HDAC9: variants seen among roughly 807,000 people sequenced by gnomAD.
The protein encoded by HDAC9 is histone deacetylase 9.
HDAC9 carries 41 observed loss-of-function variants against 139.4 expected under a neutral mutation model. The ratio of observed to expected loss-of-function variants is 0.29; its 90% confidence interval spans 0.23 to 0.38. The LOEUF is 0.38. HDAC9 is among the 10% of genes least tolerant of loss of function. HDAC9 has a pLI of 1.00. For missense variants in HDAC9, 1,147 were observed against 1,297.0 expected, an observed-to-expected ratio of 0.88 and a Z score of 1.78; for synonymous variants, 517 against 476.2, an observed-to-expected ratio of 1.09 and a Z score of -1.12.
chr7:18,645,456 G>C (rs1787071024), intron 9 of HDAC9, among the ~76,000 whole-genome samples: 1 of 152,108 alleles, frequency 6.6e-6, no homozygotes, highest in Non-Finnish European at 1.5e-5. Flanking sequence ...ACTGTTACAT[G>C]AAGGCCTAGA....
At chr7:18,186,282 A>G (rs1789906510) in intron 2 of HDAC9, among the ~76,000 whole-genome samples, 1 of 152,242 alleles carries the variant, frequency 6.6e-6, no homozygotes. Flanking sequence ...CTAAAATTAA[A>G]GCTTGTACCT....
chr7:18,241,604 T>G (rs1794191412), intron 2 of HDAC9, among the ~76,000 whole-genome samples: 1 of 152,202 alleles, frequency 6.6e-6, no homozygotes, highest in Admixed American at 6.5e-5. Flanking sequence ...AAAAGTCCAA[T>G]GCCATTATTC....
intron 6 of HDAC9, among the ~76,000 whole-genome samples, chr7:18,620,171 A>T (rs556244170): frequency 7.9e-4 from 121 of 152,274 alleles, no homozygotes; most frequent in African/African-American, 2.8e-3. Flanking sequence ...GAACAATGAA[A>T]ATATGGCTAC....
At chr7:18,857,986 T>C (rs1797816340) in intron 21 of HDAC9, among the ~76,000 whole-genome samples, 1 of 152,156 alleles carries the variant, frequency 6.6e-6, no homozygotes, top group South Asian at 2.1e-4. Flanking sequence ...TATTATTTGG[T>C]CTAAAACAAA....
At chr7:18,370,146 A>T (rs574894249) in intron 1 of HDAC9, among the ~76,000 whole-genome samples, 101 of 152,284 alleles carry the variant, frequency 6.6e-4, no homozygotes, top group African/African-American at 2.0e-3. Context: ...TATTCGTGCA[A>T]ACCATTGTGC....
intron 15 of HDAC9, among the ~76,000 whole-genome samples, chr7:18,762,945 GA>G (rs1023421659): frequency 6.6e-6 from 1 of 152,094 alleles, no homozygotes; most frequent in Admixed American, 6.6e-5. Context: ...CAGGTTTCTG[GA>G]AGAAAAATTA....
chr7:18,557,228 C>T (rs1819077182), intron 2 of HDAC9, among the ~76,000 whole-genome samples: 1 of 151,830 alleles, frequency 6.6e-6, no homozygotes, highest in Non-Finnish European at 1.5e-5. Context: ...TAGATCTATT[C>T]TCCATGTGAT....
intron 14 of HDAC9, among the ~76,000 whole-genome samples, chr7:18,754,436 T>C (rs1289279667): frequency 2.0e-5 from 3 of 152,232 alleles, no homozygotes; most frequent in African/African-American, 7.2e-5. Flanking sequence ...CCAGAAATGC[T>C]CATGACTCCC....
At chr7:18,585,555 C>T in intron 3 of HDAC9, 33 bp downstream of exon 3, 1 of 1,606,690 alleles carries the variant, frequency 6.2e-7, no homozygotes, top group Non-Finnish European at 8.5e-7. Flanking sequence ...TGACCTTACT[C>T]AGGAGTCTGC....
chr7:18,451,401 GTATA>G (rs1554422578), intron 1 of HDAC9, among the ~76,000 whole-genome samples: 10 of 135,212 alleles, frequency 7.4e-5, no homozygotes, highest in Non-Finnish European at 1.6e-4. Context: ...GTGTGTGTGT[GTATA>G]TATGTGTGTG....
chr7:18,826,717 A>G (rs1335929606), intron 17 of HDAC9, among the ~76,000 whole-genome samples: 1 of 130,928 alleles, frequency 7.6e-6, no homozygotes, highest in Non-Finnish European at 1.6e-5. Context: ...TTTCATTTCC[A>G]TTTTGTTTCT....
intron 12 of HDAC9, among the ~76,000 whole-genome samples, chr7:18,695,601 G>A (rs1782985039): frequency 6.6e-6 from 1 of 152,122 alleles, no homozygotes; most frequent in Admixed American, 6.6e-5. Flanking sequence ...TCAAAATGTT[G>A]CCAAGGTTAG....
At chr7:18,813,549 T>C (rs566933237) in intron 17 of HDAC9, among the ~76,000 whole-genome samples, 64 of 152,306 alleles carry the variant, frequency 4.2e-4, no homozygotes, top group African/African-American at 1.4e-3. Flanking sequence ...TCTATTTATT[T>C]CTTCAACTTA....
intron 1 of HDAC9, among the ~76,000 whole-genome samples, chr7:18,343,280 T>A (rs2128664088): frequency 6.6e-6 from 1 of 151,932 alleles, no homozygotes; most frequent in African/African-American, 2.4e-5. Context: ...TAAGGTGAAA[T>A]GTAGAAGCTA....
At chr7:18,886,879 C>T (rs533640263) in intron 22 of HDAC9, among the ~76,000 whole-genome samples, 16 of 152,250 alleles carry the variant, frequency 1.1e-4, no homozygotes, top group East Asian at 5.8e-4. Flanking sequence ...TCTCCATAAC[C>T]GTAGATTTTG....
intron 11 of HDAC9, among the ~76,000 whole-genome samples, chr7:18,662,696 A>G (rs1230961827): frequency 6.6e-6 from 1 of 152,102 alleles, no homozygotes; most frequent in Non-Finnish European, 1.5e-5. Flanking sequence ...ATGAAATGAG[A>G]AGCAAAGGTA....
chr7:18,315,883 TGA>T (rs1299722625), intron 1 of HDAC9, among the ~76,000 whole-genome samples: 1 of 152,256 alleles, frequency 6.6e-6, no homozygotes, highest in Non-Finnish European at 1.5e-5. Flanking sequence ...CTTTAGAGAC[TGA>T]GTGTCTGATG....
At chr7:18,994,635 A>T (rs949621767) in intron 25 of HDAC9, among the ~76,000 whole-genome samples, 19 of 152,158 alleles carry the variant, frequency 1.2e-4, no homozygotes, top group Non-Finnish European at 2.6e-4. Context: ...TGCTTTAAAA[A>T]TTTTTGATTA....
At chr7:18,506,507 T>G (rs1586441361) in intron 2 of HDAC9, among the ~76,000 whole-genome samples, 1 of 152,184 alleles carries the variant, frequency 6.6e-6, no homozygotes, top group South Asian at 2.1e-4. Flanking sequence ...ATTCTATTAT[T>G]GAAAGTGTAT....
Sources: allele counts gnomAD v4.1 joint callset (sites outside exome capture counted in the v4.1 genomes callset), GRCh38; gene constraint gnomAD v4.1.1; transcripts MANE v1.5; gene names NCBI Gene and HGNC (gene_info 2026-07-23, HGNC 2026-07-21).